Variants in RGS7 observed in about 807,000 individuals in gnomAD.
RGS7 encodes the protein regulator of G protein signaling 7, also known as regulator of G-protein signaling 7.
RGS7 carries 27 observed loss-of-function variants against 81.1 expected under a neutral mutation model. The ratio of observed to expected loss-of-function variants is 0.33; its 90% CI spans 0.25 to 0.46. The LOEUF (loss-of-function observed/expected upper bound fraction) is 0.46. Ranked by LOEUF, RGS7 falls within the 20% of genes least tolerant of loss-of-function variation. The pLI, the probability that RGS7 is intolerant of heterozygous loss-of-function variation, is 1.00. For synonymous variants in RGS7, 208 were observed against 207.7 expected (o/e 1.00, Z -0.01); for missense variants, 396 against 607.4 (o/e 0.65, Z 3.66).
chr1:241,272,418 G>A (rs1408437485), intron 2 of RGS7, among the ~76,000 whole-genome samples: 1 of 152,140 alleles, frequency 6.6e-6, no homozygotes, highest in African/African-American at 2.4e-5. Context: ...AACATGCCAG[G>A]ATTACTACCA....
At chr1:240,917,743 A>G (rs1033751455) in intron 6 of RGS7, among the ~76,000 whole-genome samples, 2 of 152,226 alleles carry the variant, frequency 1.3e-5, no homozygotes, top group African/African-American at 4.8e-5. Context: ...TTAATGTAAC[A>G]GTTATAGATA....
Position 240,811,976 on chromosome 1 carries a change from C to A in RGS7, c.1024G>T (p.Val342Phe), listed in dbSNP as rs373266607. ...FGMDEALKDPVGREQFLKFLE... is the reference protein window; with the variant it reads ...FGMDEALKDPFGREQFLKFLE... ...AATTTAAGGAACTGTTCTCTCCCAA[C>A]TGGGTCTTTCAATGCCTCGTCCATG... Residue 342 changes from valine to phenylalanine, a missense_variant, in exon 14 of 19, where the codon GTT becomes TTT. Coordinates refer to ENST00000440928, the MANE Select transcript of RGS7 (RefSeq NM_001364886.1). The A allele has an allele frequency of 6.8e-5, 109 of 1,613,852 alleles. No homozygotes were observed. Among genetic ancestry groups the A allele is most frequent in the Non-Finnish European group, 8.6e-5 (101 of 1,179,820 alleles).
intron 2 of RGS7, among the ~76,000 whole-genome samples, chr1:241,238,633 C>G (rs1230516187): frequency 6.6e-6 from 1 of 152,080 alleles, no homozygotes; most frequent in African/African-American, 2.4e-5. Context: ...CTCCTGGGGT[C>G]AAGTGATCCT....
chr1:240,870,150 CT>C, intron 6 of RGS7, 31 bp from the exon 7 acceptor site: 1 of 1,578,604 alleles, frequency 6.3e-7, no homozygotes, highest in Non-Finnish European at 8.7e-7. Context: ...TTCTTGCCTG[CT>C]TATCAACACC....
chr1:241,225,744 G>C (rs2075279448), intron 2 of RGS7, among the ~76,000 whole-genome samples: 1 of 152,130 alleles, frequency 6.6e-6, no homozygotes, highest in Admixed American at 6.5e-5. Context: ...ATACTTTCTT[G>C]AGCTTGGTTA....
At chr1:241,229,736 G>A (rs979670866) in intron 2 of RGS7, among the ~76,000 whole-genome samples, 1 of 152,174 alleles carries the variant, frequency 6.6e-6, no homozygotes, top group Non-Finnish European at 1.5e-5. Flanking sequence ...CTGGGAAATC[G>A]GCCACACCGT....
intron 3 of RGS7, among the ~76,000 whole-genome samples, chr1:241,041,040 G>T (rs1393976662): frequency 6.6e-6 from 1 of 152,008 alleles, no homozygotes; most frequent in Non-Finnish European, 1.5e-5. Flanking sequence ...TTGTGCTAAG[G>T]TTCATGAATT....
At chr1:240,963,125 G>A (rs1451128971) in intron 4 of RGS7, among the ~76,000 whole-genome samples, 1 of 152,160 alleles carries the variant, frequency 6.6e-6, no homozygotes, top group East Asian at 1.9e-4. Flanking sequence ...TGTGTTGATG[G>A]TTGGAATGAG....
chr1:241,262,163 T>C (rs2077371809), intron 2 of RGS7, among the ~76,000 whole-genome samples: 1 of 152,154 alleles, frequency 6.6e-6, no homozygotes, highest in Admixed American at 6.5e-5. Flanking sequence ...GTCTTGGCGA[T>C]TCACAGTGTG....
chr1:241,272,010 T>C (rs1300572157), intron 2 of RGS7, among the ~76,000 whole-genome samples: 1 of 150,692 alleles, frequency 6.6e-6, no homozygotes, highest in African/African-American at 2.4e-5. Context: ...TTTTTATTTT[T>C]TGAGATGGAG....
In RGS7 at chr1:241,296,498, T is replaced by C. The variant is rs1421046251; in HGVS notation, c.78+59201A>G. Among the ~76,000 whole-genome samples the C allele has an allele frequency of 2.0e-5, 3 of 152,254 alleles. No individual in the cohort carries two copies. In the East Asian group the frequency reaches 5.8e-4, roughly 29 times the overall value. ...AATAAAATCAACATGTCCAATGTCA[T>C]TGCAATAGACACTTTCCTGTGGGAA... On this transcript the variant is annotated intron_variant, in intron 2 of 18. Coordinates refer to ENST00000440928, the MANE Select transcript of RGS7 (RefSeq NM_001364886.1).
Position 240,795,973 on chromosome 1 carries a change from G to T in RGS7, c.*6+4668C>A, listed in dbSNP as rs1686993950. Reference sequence around the variant, plus strand: ...TTATAATTATTATTATTTTTGCAGAGACGGGGTCTTGCCATGTTGCCCAGG... The same window carrying T: ...TTATAATTATTATTATTTTTGCAGATACGGGGTCTTGCCATGTTGCCCAGG... On this transcript the variant is annotated intron_variant, in intron 18 of 18. Transcript: ENST00000440928. Among the ~76,000 whole-genome samples the T allele has an allele frequency of 2.0e-5, 3 of 152,118 alleles. No homozygotes were observed. In the South Asian group the frequency reaches 6.2e-4, roughly 32 times the overall value.
chr1:240,849,688 CT>C (rs1659749527), intron 9 of RGS7, among the ~76,000 whole-genome samples: 1 of 152,148 alleles, frequency 6.6e-6, no homozygotes, highest in Non-Finnish European at 1.5e-5. Context: ...CCTCCTCTCT[CT>C]TGCTCCTGCT....
intron 9 of RGS7, among the ~76,000 whole-genome samples, chr1:240,834,341 G>T (rs1694321697): frequency 6.6e-6 from 1 of 152,132 alleles, no homozygotes; most frequent in Non-Finnish European, 1.5e-5. Context: ...ATGATATCTT[G>T]CTTCAGTGTA....
intron 9 of RGS7, among the ~76,000 whole-genome samples, chr1:240,866,972 G>A (rs2148011983): frequency 6.6e-6 from 1 of 152,264 alleles, no homozygotes; most frequent in South Asian, 2.1e-4. Flanking sequence ...GATAAGCACA[G>A]GAACATAACA....
At chr1:240,827,478 C>G (rs1231372984) in intron 9 of RGS7, among the ~76,000 whole-genome samples, 1 of 152,148 alleles carries the variant, frequency 6.6e-6, no homozygotes, top group African/African-American at 2.4e-5. Flanking sequence ...TAGCGACAAA[C>G]CCGACAGACA....
intron 4 of RGS7, 54 bp downstream of exon 4, chr1:240,983,025 T>C (rs1572114568): frequency 9.6e-7 from 1 of 1,038,880 alleles, no homozygotes; most frequent in East Asian, 2.4e-5. Flanking sequence ...ATGAAACATA[T>C]TTCTTAAAAC....
rs71172667 is a variant in RGS7 at position 240,985,949 on chromosome 1, TTAAATAAATAAA to T, written c.176-2832_176-2821del. ...TTTACAGCAATTTTCCAGCTTTATA[TTAAATAAATAAA>T]TAAATAAATAAATAAATAAATAAAT... On this transcript the variant is annotated intron_variant, in intron 3 of 18. Transcript: ENST00000440928. 2.1e-3 allele frequency among the ~76,000 whole-genome samples: 300 copies of T among 144,626 alleles called. 3 individuals are homozygous for T. Among genetic ancestry groups the T allele is most frequent in the African/African-American group, 5.4e-3 (214 of 39,634 alleles). The allele number at this position is 144,626 out of a possible 152,430, so 94.9% of individuals were successfully genotyped here.
At position 240,901,251 on chromosome 1, in the gene RGS7, C is replaced by T. The variant is rs564550380; in HGVS notation, c.385+29466G>A. Among the ~76,000 whole-genome samples the T allele has an allele frequency of 5.3e-5, 8 of 152,252 alleles. No individual in the cohort carries two copies. The East Asian group carries it at 7.8e-4, about 15-fold the overall frequency. Reference sequence around the variant, plus strand: ...GACCCCTTGTGCTTCCCAGGTGAGGCGATGCCCCACCCTGCTTCAGCTCAT... The same window carrying T: ...GACCCCTTGTGCTTCCCAGGTGAGGTGATGCCCCACCCTGCTTCAGCTCAT... On this transcript the variant is annotated intron_variant, in intron 6 of 18. Transcript: ENST00000440928.
Sources: allele counts gnomAD v4.1 joint callset (sites outside exome capture counted in the v4.1 genomes callset), GRCh38; gene constraint gnomAD v4.1.1; transcripts MANE v1.5; gene names NCBI Gene and HGNC (gene_info 2026-07-23, HGNC 2026-07-21).